CERT1: variants seen among roughly 807,000 people sequenced by gnomAD.
CERT1 encodes the protein ceramide transfer protein.
Under a neutral mutation model 87.9 loss-of-function variants are expected in CERT1, and 31 were observed. That is an observed-to-expected ratio of 0.35 (90% CI 0.27 to 0.48). CERT1 has a LOEUF of 0.48. Among genes scored for constraint, CERT1 ranks in the 20% least tolerant of loss-of-function variants. The pLI is 0.99. For missense variants in CERT1, 487 were observed against 758.0 expected (o/e 0.64, Z 4.20); for synonymous variants, 289 against 250.9 (o/e 1.15, Z -1.44).
intron 12 of CERT1, among the ~76,000 whole-genome samples, chr5:75,387,006 T>C (rs139509917): frequency 0.026 from 3,980 of 152,234 alleles, 147 homozygotes; most frequent in African/African-American, 0.086. Context: ...TAGCTGGGAT[T>C]ACAGGCGCCT....
At chr5:75,375,897 TA>T, downstream of CERT1, 1 of 151,630 alleles carries the variant, frequency 6.6e-6, no homozygotes, top group East Asian at 1.9e-4. Flanking sequence ...TTTACCATGT[TA>T]AGGTTTGAAT....
intron 7 of CERT1, among the ~76,000 whole-genome samples, chr5:75,412,368 C>T (rs546244299): frequency 6.6e-6 from 1 of 152,300 alleles, no homozygotes; most frequent in Non-Finnish European, 1.5e-5. Context: ...ATGTAAACAG[C>T]TCTTCCTATT....
At chr5:75,494,386 G>A (rs556895465) in intron 2 of CERT1, among the ~76,000 whole-genome samples, 1 of 152,294 alleles carries the variant, frequency 6.6e-6, no homozygotes, top group South Asian at 2.1e-4. Context: ...TTGGGGAATA[G>A]TGGTGGGATA....
intron 3 of CERT1, among the ~76,000 whole-genome samples, chr5:75,455,006 A>G (rs1238879836): frequency 6.6e-6 from 1 of 152,178 alleles, no homozygotes; most frequent in Non-Finnish European, 1.5e-5. Context: ...ACTTGCACCA[A>G]AAAAAGGTCA....
intron 2 of CERT1, among the ~76,000 whole-genome samples, chr5:75,490,493 A>ATT (rs1399927302): frequency 3.8e-4 from 56 of 149,160 alleles, no homozygotes; most frequent in African/African-American, 1.3e-3. Context: ...CCTGTACGAA[A>ATT]TTTTTATTTA....
At chr5:75,494,505 C>T (rs549058564) in intron 2 of CERT1, among the ~76,000 whole-genome samples, 3 of 129,502 alleles carry the variant, frequency 2.3e-5, no homozygotes, top group East Asian at 2.2e-4. Context: ...CTCTACCCTC[C>T]AAGACCAGAC....
chr5:75,449,600 T>C (rs533493792), intron 3 of CERT1, among the ~76,000 whole-genome samples: 1 of 152,106 alleles, frequency 6.6e-6, no homozygotes, highest in East Asian at 1.9e-4. Context: ...TCAGCTTTAG[T>C]AGATATTGAA....
chr5:75,433,941 A>G (rs1373381925), intron 3 of CERT1, among the ~76,000 whole-genome samples: 2 of 152,182 alleles, frequency 1.3e-5, no homozygotes, highest in Admixed American at 6.5e-5. Context: ...ATCTGTGAAG[A>G]TAGTCTGACT....
At chr5:75,506,183 CT>C in intron 1 of CERT1, 67 bp from the exon 2 acceptor site, 1 of 1,467,078 alleles carries the variant, frequency 6.8e-7, no homozygotes, top group East Asian at 2.4e-5. Context: ...GAAATCCAAA[CT>C]TTGTGAAACA....
intron 2 of CERT1, among the ~76,000 whole-genome samples, chr5:75,484,799 A>G (rs1012405132): frequency 4.6e-5 from 7 of 152,166 alleles, no homozygotes; most frequent in African/African-American, 1.7e-4. Context: ...CCCCACTTTC[A>G]GCACTGGACA....
intron 7 of CERT1, among the ~76,000 whole-genome samples, chr5:75,415,671 A>T (rs1387655376): frequency 6.6e-6 from 1 of 152,184 alleles, no homozygotes; most frequent in African/African-American, 2.4e-5. Context: ...AAAGTTGCCA[A>T]AAAGTTGGAA....
chr5:75,477,597 T>A (rs544964710), intron 2 of CERT1, among the ~76,000 whole-genome samples: 2 of 129,444 alleles, frequency 1.5e-5, no homozygotes, highest in African/African-American at 6.0e-5. Flanking sequence ...ATATAGCATA[T>A]ATAAGTTCAT....
rs977873801 is a variant in CERT1 at position 75,511,458 on chromosome 5, G to T, written c.-251C>A. The stretch of plus-strand genomic sequence containing the variant: ...CCAGCCGTCAGCCGCCGCCGCCGTC[G>T]CCGTGACCCCTGCGTTGCGCCCGGC... On this transcript the variant is annotated 5_prime_UTR_variant, in exon 1 of 17. Transcript: ENST00000643780. The T allele has an allele frequency of 1.3e-6, 2 of 1,529,484 alleles. No individual in the cohort carries two copies. The highest frequency in any genetic ancestry group is 2.0e-5 in the Admixed American group (1 of 49,084). The allele number at this position is 1,529,484 out of a possible 1,614,324, so 94.7% of individuals were successfully genotyped here.
At chr5:75,465,441 A>C (rs1419750307) in intron 2 of CERT1, among the ~76,000 whole-genome samples, 2 of 152,368 alleles carry the variant, frequency 1.3e-5, no homozygotes, top group Admixed American at 1.3e-4. Context: ...TTACTCAACA[A>C]GACAGCTAAA....
chr5:75,410,796 G>C, intron 8 of CERT1: 1 of 325,804 alleles, frequency 3.1e-6, no homozygotes, highest in Non-Finnish European at 5.5e-6. Context: ...CTAATACTAA[G>C]CCTTTTGAAG....
intron 2 of CERT1, among the ~76,000 whole-genome samples, chr5:75,460,814 G>A (rs1472280291): frequency 1.3e-5 from 2 of 151,982 alleles, no homozygotes; most frequent in Non-Finnish European, 2.9e-5. Context: ...TTTTCTTTAG[G>A]CTATGAAACA....
chr5:75,500,735 A>C (rs1767321442), intron 2 of CERT1, among the ~76,000 whole-genome samples: 1 of 152,174 alleles, frequency 6.6e-6, no homozygotes, highest in South Asian at 2.1e-4. Flanking sequence ...CACACTTGAG[A>C]AAAGGCCTTC....
chr5:75,450,475 T>C (rs1764727658), intron 3 of CERT1, among the ~76,000 whole-genome samples: 2 of 152,180 alleles, frequency 1.3e-5, no homozygotes, highest in East Asian at 1.9e-4. Flanking sequence ...TATTTTGAAA[T>C]GGCCCCGCAA....
intron 5 of CERT1, among the ~76,000 whole-genome samples, chr5:75,423,640 T>C (rs1763481621): frequency 6.6e-6 from 1 of 152,096 alleles, no homozygotes; most frequent in Admixed American, 6.6e-5. Flanking sequence ...AGTTCGGAAG[T>C]TGAGGCAGGA....
Sources: gnomAD v4.1 joint callset for allele counts (sites outside exome capture counted in the v4.1 genomes callset) on GRCh38, gnomAD v4.1.1 for gene constraint, MANE v1.5 for transcripts, NCBI Gene and HGNC (gene_info 2026-07-23, HGNC 2026-07-21) for gene names.